Variants in ZNF514 observed in about 807,000 individuals in gnomAD.
ZNF514 encodes the protein zinc finger protein 514.
ZNF514 carries 12 observed loss-of-function variants against 9.7 expected under a neutral mutation model. The observed-to-expected ratio is 1.24, with a 90% CI of 0.79 to 2.01. The LOEUF (loss-of-function observed/expected upper bound fraction) is 2.01, where lower values mean the gene tolerates loss of function less well. Among genes scored for constraint, ZNF514 ranks in the 30% most tolerant of loss-of-function variants. ZNF514 has a pLI of 0.00. For missense variants in ZNF514, 467 were observed against 465.5 expected, an observed-to-expected ratio of 1.00 and a Z score of -0.03; for synonymous variants, 158 against 163.7, an observed-to-expected ratio of 0.97 and a Z score of 0.27.
intron 4 of ZNF514, among the ~76,000 whole-genome samples, chr2:95,150,551 G>A (rs1373030042): frequency 6.6e-6 from 1 of 152,118 alleles, no homozygotes; most frequent in Non-Finnish European, 1.5e-5. Context: ...AGGAGGGTAG[G>A]AAGGGTGACA....
the ZNF514 span, among the ~76,000 whole-genome samples, chr2:95,134,721 TC>T: frequency 6.6e-6 from 1 of 152,246 alleles, no homozygotes; most frequent in Non-Finnish European, 1.5e-5. Context: ...TTATCCGTTT[TC>T]TTCTAAGAGT....
Position 95,146,734 on chromosome 2 carries a change from T to G in ZNF514, c.*2548A>C, listed in dbSNP as rs1673369791. Among the ~76,000 whole-genome samples the G allele has an allele frequency of 6.6e-6, 1 of 151,532 alleles. No homozygotes were observed. Among genetic ancestry groups the G allele is most frequent in the Admixed American group, 6.6e-5 (1 of 15,182 alleles). ...GATACATGAGAAGAGGAGACAGATT[T>G]TGGACGAAGACCAGTTACAAAATTG... On this transcript the variant is annotated 3_prime_UTR_variant, in exon 5 of 5. Coordinates refer to ENST00000295208, the MANE Select transcript of ZNF514 (RefSeq NM_032788.3).
chr2:95,143,445 A>C (rs1673293223), downstream of ZNF514, among the ~76,000 whole-genome samples: 1 of 151,892 alleles, frequency 6.6e-6, no homozygotes, highest in African/African-American at 2.4e-5. Flanking sequence ...ACATGGAGAA[A>C]CCCGTCTCTA....
At chr2:95,127,769 C>T in the ZNF514 span, among the ~76,000 whole-genome samples, 446 of 152,126 alleles carry the variant, frequency 2.9e-3, 1 homozygote, top group Middle Eastern at 0.031. Context: ...CCACCACGCC[C>T]GGCTAATTTT....
At chr2:95,151,711 G>C (rs191091042) in intron 4 of ZNF514, among the ~76,000 whole-genome samples, 2 of 152,202 alleles carry the variant, frequency 1.3e-5, no homozygotes, top group Non-Finnish European at 1.5e-5. Flanking sequence ...GAGAGTTTCT[G>C]AGTCAATAGG....
At chr2:95,151,484 T>C (rs1673543719) in intron 4 of ZNF514, among the ~76,000 whole-genome samples, 2 of 152,174 alleles carry the variant, frequency 1.3e-5, no homozygotes, top group Admixed American at 1.3e-4. Context: ...TCCAGAAAGG[T>C]GTGCAGCCCT....
the ZNF514 span, among the ~76,000 whole-genome samples, chr2:95,131,336 G>C: frequency 2.6e-5 from 4 of 152,116 alleles, no homozygotes; most frequent in African/African-American, 9.7e-5. Flanking sequence ...CAGAGTAATG[G>C]GGTTCAGTTC....
the ZNF514 span, among the ~76,000 whole-genome samples, chr2:95,126,820 G>A: frequency 2.0e-5 from 3 of 151,426 alleles, no homozygotes; most frequent in Admixed American, 6.6e-5. Flanking sequence ...CGCCCAGGCT[G>A]AGTGTACTGG....
At position 95,147,516 on chromosome 2, in the gene ZNF514, C is replaced by A. The variant is rs1306074381; in HGVS notation, c.*1766G>T. The A allele has an allele frequency of 1.3e-5, 2 of 152,164 alleles. No homozygotes were observed. The highest frequency in any genetic ancestry group is 2.1e-4 in the South Asian group (1 of 4,822). The allele number at this position is 152,164 out of a possible 1,614,324, so 9.4% of individuals were successfully genotyped here. A position where few individuals can be genotyped will look rare whatever the true frequency, so the allele number is the denominator to read the frequency against. On this transcript the variant is annotated 3_prime_UTR_variant, in exon 5 of 5. Coordinates refer to ENST00000295208, the MANE Select transcript of ZNF514 (RefSeq NM_032788.3). ...TTGCAGTTACTTTGTTTCTGAAGATCTGCCATTTCTGGACATTTCCTAAAA... is the reference window on the plus strand; with the variant it reads ...TTGCAGTTACTTTGTTTCTGAAGATATGCCATTTCTGGACATTTCCTAAAA...
In ZNF514 at chr2:95,148,054, G is replaced by A. The variant is rs1352717615; in HGVS notation, c.*1228C>T. 6.6e-6 allele frequency: 1 copy of A among 152,186 alleles called. No individual in the cohort carries two copies. The highest frequency in any genetic ancestry group is 1.5e-5 in the Non-Finnish European group (1 of 68,046). The allele number at this position is 152,186 out of a possible 1,614,324, so 9.4% of individuals were successfully genotyped here. On this transcript the variant is annotated 3_prime_UTR_variant, in exon 5 of 5. Transcript: ENST00000295208. The stretch of plus-strand genomic sequence containing the variant: ...TTGCTCAATCCTAGACCACTCCATT[G>A]CCTCACAAAGAAAGGTAACATGTGC...
Position 95,149,627 on chromosome 2 carries a change from T to C in ZNF514, c.858A>G (p.Lys286=), listed in dbSNP as rs757196638. Residue 286 remains lysine (K), a synonymous_variant, in exon 5 of 5, where the codon AAA becomes AAG. Transcript: ENST00000295208. ...VLHYRFHTGE[K]PYKCNECGRA... ...GTCCACATTCATTACATTTGTAGGGTTTCTCTCCAGTGTGAAATCTATAGT... is the reference window on the plus strand; with the variant it reads ...GTCCACATTCATTACATTTGTAGGGCTTCTCTCCAGTGTGAAATCTATAGT... 1 of 1,613,804 alleles carries C rather than the reference T, an allele frequency of 6.2e-7. No homozygotes were observed. Among genetic ancestry groups the C allele is most frequent in the Non-Finnish European group, 8.5e-7 (1 of 1,179,938 alleles).
At chr2:95,153,004 TG>T in intron 3 of ZNF514, 128 bp downstream of exon 3, 1 of 1,244,374 alleles carries the variant, frequency 8.0e-7, no homozygotes, top group Non-Finnish European at 1.1e-6. Flanking sequence ...AGAATGTAAA[TG>T]TCTGATTCCA....
chr2:95,136,987 A>G, the ZNF514 span, among the ~76,000 whole-genome samples: 2 of 152,084 alleles, frequency 1.3e-5, no homozygotes, highest in South Asian at 4.1e-4. Context: ...AAAAACAAAG[A>G]GTGTTTCCTA....
the ZNF514 span, among the ~76,000 whole-genome samples, chr2:95,125,863 A>G: frequency 3.9e-5 from 6 of 152,212 alleles, no homozygotes; most frequent in Non-Finnish European, 5.9e-5. Context: ...TCATCTGTCA[A>G]TGGACACTTG....
At chr2:95,141,765 G>T (rs1315657005), downstream of ZNF514, among the ~76,000 whole-genome samples, 4 of 152,100 alleles carry the variant, frequency 2.6e-5, no homozygotes, top group Non-Finnish European at 5.9e-5. Context: ...TCAAACTCTA[G>T]GGAGTCAAGT....
Position 95,149,332 on chromosome 2 carries a change from C to T in ZNF514, c.1153G>A (p.Ala385Thr). Reference sequence around the variant, plus strand: ...CTTCTCTGATGTTTAATAAGGGATGCAGTATGAGCAAAGGCCCTTCCACAC... The same window carrying T: ...CTTCTCTGATGTTTAATAAGGGATGTAGTATGAGCAAAGGCCCTTCCACAC... ...NECGRAFAHTASLIKHQRSHA... is the reference protein window; with the variant it reads ...NECGRAFAHTTSLIKHQRSHA... The change falls in exon 5 of 5, where the codon GCA (alanine) becomes ACA (threonine). Residue 385 changes from alanine to threonine, a missense_variant. Physicochemically the swap from Ala to Thr is moderately conservative, Grantham distance 58. Transcript: ENST00000295208. The T allele has an allele frequency of 6.2e-7, 1 of 1,606,684 alleles. No homozygotes were observed. The highest frequency in any genetic ancestry group is 1.3e-5 in the African/African-American group (1 of 74,720).
the ZNF514 span, among the ~76,000 whole-genome samples, chr2:95,139,457 G>A: frequency 6.6e-6 from 1 of 152,228 alleles, no homozygotes; most frequent in African/African-American, 2.4e-5. Flanking sequence ...TTATTTTGGA[G>A]CTTTGAGATT....
At position 95,147,007 on chromosome 2, in the gene ZNF514, C is replaced by T. The variant is rs1234842036; in HGVS notation, c.*2275G>A. Among the ~76,000 whole-genome samples the T allele has an allele frequency of 6.6e-6, 1 of 152,152 alleles. No homozygotes were observed. Among genetic ancestry groups the T allele is most frequent in the Non-Finnish European group, 1.5e-5 (1 of 68,032 alleles). On this transcript the variant is annotated 3_prime_UTR_variant, in exon 5 of 5. Transcript: ENST00000295208. Reference sequence around the variant, plus strand: ...GACCCAGCCTGTCTGCATGGGCCCACTTTGAGCTGGTTCCCTGAATTCTGG... The same window carrying T: ...GACCCAGCCTGTCTGCATGGGCCCATTTTGAGCTGGTTCCCTGAATTCTGG...
chr2:95,128,560 A>AAAAGAAG, the ZNF514 span, among the ~76,000 whole-genome samples: 1 of 152,056 alleles, frequency 6.6e-6, no homozygotes, highest in African/African-American at 2.4e-5. Context: ...CGTCTCAAGA[A>AAAAGAAG]AAAGAAGAAA....
Sources: gnomAD v4.1 joint callset for allele counts (sites outside exome capture counted in the v4.1 genomes callset) on GRCh38, gnomAD v4.1.1 for gene constraint, MANE v1.5 for transcripts, NCBI Gene and HGNC (gene_info 2026-07-23, HGNC 2026-07-21) for gene names.